The following TRERF1 variants were observed in gnomAD, a reference collection of about 807,000 sequenced individuals.
TRERF1 encodes the protein transcriptional regulating factor 1.
Under a neutral mutation model 122.9 loss-of-function variants are expected in TRERF1, and 27 were observed. That is an observed-to-expected ratio of 0.22 (90% confidence interval 0.16 to 0.30). TRERF1 has a LOEUF of 0.30. Among genes scored for constraint, TRERF1 ranks in the 10% least tolerant of loss-of-function variants. The pLI is 1.00. For synonymous variants in TRERF1, 636 were observed against 641.7 expected, an observed-to-expected ratio of 0.99 and a Z score of 0.13; for missense variants, 1,248 against 1,560.3, an observed-to-expected ratio of 0.80 and a Z score of 3.37.
chr6:42,274,857 C>T (rs1221746685), intron 4 of TRERF1, among the ~76,000 whole-genome samples: 1 of 152,094 alleles, frequency 6.6e-6, no homozygotes, highest in East Asian at 1.9e-4. Context: ...TTAAAATGGA[C>T]ATGCAAAACA....
At chr6:42,254,726 C>A in intron 13 of TRERF1, 125 bp downstream of exon 13, 1 of 862,160 alleles carries the variant, frequency 1.2e-6, no homozygotes, top group Non-Finnish European at 1.9e-6. Context: ...CCCTAGGAGG[C>A]CTTGAGATCA....
chr6:42,349,133 T>C (rs567848523), intron 3 of TRERF1, among the ~76,000 whole-genome samples: 2 of 152,298 alleles, frequency 1.3e-5, no homozygotes, highest in South Asian at 4.1e-4. Flanking sequence ...CCTGTCTACT[T>C]TCCCAAGAGT....
At chr6:42,437,258 T>C (rs1447030907) in intron 2 of TRERF1, among the ~76,000 whole-genome samples, 1 of 152,050 alleles carries the variant, frequency 6.6e-6, no homozygotes, top group Admixed American at 6.6e-5. Context: ...GTGGAATAAT[T>C]TGGGGCAGAC....
At chr6:42,401,539 G>A (rs1416570432) in intron 2 of TRERF1, among the ~76,000 whole-genome samples, 1 of 152,134 alleles carries the variant, frequency 6.6e-6, no homozygotes, top group Non-Finnish European at 1.5e-5. Flanking sequence ...GCACAGATAA[G>A]CATACAGACA....
At chr6:42,408,267 A>ATATATACATACTCATGTGTG (rs1554206933) in intron 2 of TRERF1, among the ~76,000 whole-genome samples, 22 of 123,368 alleles carry the variant, frequency 1.8e-4, no homozygotes, top group East Asian at 9.9e-4. Context: ...ATGTGTGTGT[A>ATATATACATACTCATGTGTG]TGTATATATA....
chr6:42,396,275 C>T (rs1469457865), intron 2 of TRERF1, among the ~76,000 whole-genome samples: 2 of 152,136 alleles, frequency 1.3e-5, no homozygotes, highest in Non-Finnish European at 2.9e-5. Context: ...AAATAAACCT[C>T]CCAGACCTCT....
At chr6:42,310,188 C>T (rs1788003303) in intron 3 of TRERF1, among the ~76,000 whole-genome samples, 1 of 152,212 alleles carries the variant, frequency 6.6e-6, no homozygotes. Flanking sequence ...ACTGCAGCCT[C>T]TAACTTCTGG....
At chr6:42,306,696 T>C (rs1339866410) in intron 3 of TRERF1, among the ~76,000 whole-genome samples, 1 of 152,238 alleles carries the variant, frequency 6.6e-6, no homozygotes, top group East Asian at 1.9e-4. Flanking sequence ...GATGCCCTTT[T>C]CCCAGCTCTC....
chr6:42,365,840 A>G (rs533093583), intron 2 of TRERF1, among the ~76,000 whole-genome samples: 11 of 152,272 alleles, frequency 7.2e-5, no homozygotes, highest in African/African-American at 2.6e-4. Flanking sequence ...ACAGTTCACA[A>G]ATCGAGACGG....
At chr6:42,271,184 TA>T (rs761098527) in intron 4 of TRERF1, among the ~76,000 whole-genome samples, 1,272 of 102,678 alleles carry the variant, frequency 0.012, 17 homozygotes, top group African/African-American at 0.031. Flanking sequence ...AAACTCCATC[TA>T]AAAAAAAAAA....
At chr6:42,383,649 T>C (rs1776328322) in intron 2 of TRERF1, among the ~76,000 whole-genome samples, 1 of 152,042 alleles carries the variant, frequency 6.6e-6, no homozygotes, top group Non-Finnish European at 1.5e-5. Flanking sequence ...AATGGACTCG[T>C]TTTCATCACC....
At chr6:42,315,433 T>C (rs776055395) in intron 3 of TRERF1, among the ~76,000 whole-genome samples, 1 of 152,154 alleles carries the variant, frequency 6.6e-6, no homozygotes, top group Non-Finnish European at 1.5e-5. Context: ...TGCTGGAGTG[T>C]GATCCTTACA....
At chr6:42,384,148 T>C (rs547915565) in intron 2 of TRERF1, among the ~76,000 whole-genome samples, 2 of 152,078 alleles carry the variant, frequency 1.3e-5, no homozygotes, top group Admixed American at 6.5e-5. Context: ...CATACTCCTA[T>C]ATATGCAAAA....
chr6:42,343,969 A>G (rs1328870065), intron 3 of TRERF1, among the ~76,000 whole-genome samples: 2 of 152,226 alleles, frequency 1.3e-5, no homozygotes, highest in Non-Finnish European at 2.9e-5. Context: ...TGGAAGCTTC[A>G]GCCATATCCT....
chr6:42,250,576 C>T (rs75654091), intron 13 of TRERF1, among the ~76,000 whole-genome samples: 1 of 152,046 alleles, frequency 6.6e-6, no homozygotes, highest in Admixed American at 6.5e-5. Flanking sequence ...CTCCCCTATC[C>T]TTCAACTACC....
chr6:42,228,453 G>A lies in TRERF1; in HGVS notation c.3495C>T (p.Asp1165=), dbSNP rs1381804813. 8 of 1,614,176 alleles carry A rather than the reference G, an allele frequency of 5.0e-6. No homozygotes were observed. The highest frequency in any genetic ancestry group is 3.3e-5 in the Admixed American group (2 of 60,034). The change falls in exon 18 of 18, where the codon GAC becomes GAT. Residue 1165 remains aspartate (D), a synonymous_variant. Transcript: ENST00000372922. The surrounding 1 kb of genome is among the most constrained non-coding windows in gnomAD (Gnocchi z 4.2). ...TGACACCTCCCAACTGCTGGACGAC[G>A]TCGTCGTCGAGGATGTCCACATCCT...
chr6:42,258,247 T>C (rs1777118705), intron 9 of TRERF1, 46 bp from the exon 10 acceptor site: 2 of 1,583,206 alleles, frequency 1.3e-6, no homozygotes, highest in Non-Finnish European at 1.7e-6. Context: ...GGAAGGAATG[T>C]TGAAAAAGAC....
Position 42,269,576 on chromosome 6 carries a change from T to C in TRERF1, c.15A>G (p.Gln5=), listed in dbSNP as rs367701486. The change falls in exon 5 of 18, where the codon CAA becomes CAG. Residue 5 remains glutamine, a synonymous_variant. Coordinates refer to ENST00000372922, the Ensembl canonical transcript of TRERF1. The surrounding 1 kb of genome is among the most constrained non-coding windows in gnomAD (Gnocchi z 4.9). ...GGGCCACATGGTTGGTCTTGTACAG[T>C]TGCTGGTCACCCATGCTGTCTGCCT... 1.2e-6 allele frequency: 2 copies of C among 1,613,696 alleles called. No homozygotes were observed. The highest frequency in any genetic ancestry group is 1.7e-6 in the Non-Finnish European group (2 of 1,179,668).
intron 4 of TRERF1, among the ~76,000 whole-genome samples, chr6:42,271,734 T>A (rs1780258488): frequency 6.6e-6 from 1 of 152,216 alleles, no homozygotes; most frequent in Non-Finnish European, 1.5e-5. Flanking sequence ...TATTAATAAT[T>A]GTGATAACTC....
Sources: gnomAD v4.1 joint callset for allele counts (sites outside exome capture counted in the v4.1 genomes callset) on GRCh38, gnomAD v4.1.1 for gene constraint, Gnocchi (gnomAD v3.1) non-coding constraint, MANE v1.5 for transcripts, NCBI Gene and HGNC (gene_info 2026-07-23, HGNC 2026-07-21) for gene names.